SULF1: variants seen among roughly 807,000 people sequenced by gnomAD.
SULF1 encodes the protein sulfatase 1, also known as extracellular sulfatase Sulf-1.
Under a neutral mutation model 110.5 loss-of-function variants are expected in SULF1, and 46 were observed. The observed-to-expected ratio is 0.42, with a 90% CI of 0.33 to 0.53. The LOEUF (loss-of-function observed/expected upper bound fraction) is 0.53. SULF1 is among the 20% of genes least tolerant of loss of function. The pLI, the probability that SULF1 is intolerant of heterozygous loss-of-function variation, is 0.12. For missense variants in SULF1, 941 were observed against 1,094.2 expected, an observed-to-expected ratio of 0.86 and a Z score of 1.98; for synonymous variants, 371 against 387.1, an observed-to-expected ratio of 0.96 and a Z score of 0.49.
chr8:69,565,977 C>A (rs185477955), intron 5 of SULF1, among the ~76,000 whole-genome samples: 93 of 152,274 alleles, frequency 6.1e-4, no homozygotes, highest in Non-Finnish European at 2.5e-4. Flanking sequence ...TTCTTCATAA[C>A]CCAGTTCATG....
intron 3 of SULF1, among the ~76,000 whole-genome samples, chr8:69,505,683 G>T (rs2150579562): frequency 6.6e-6 from 1 of 152,130 alleles, no homozygotes; most frequent in Admixed American, 6.5e-5. Context: ...TGCTTTAAGT[G>T]CATATTGGAT....
chr8:69,595,500 T>A (rs929849990), intron 8 of SULF1, among the ~76,000 whole-genome samples: 1 of 152,252 alleles, frequency 6.6e-6, no homozygotes, highest in Non-Finnish European at 1.5e-5. Context: ...GTGGGGAATA[T>A]CTCCACAAAG....
rs1305693523 is a variant in SULF1, at chr8:69,576,151, G to A, written c.354G>A (p.Gln118=). ...NNENCSSPSW[Q]AMHEPRTFAV... ...AGAACTGCTCTTCCCCCTCGTGGCA[G>A]GCCATGCATGAGCCTCGGACTTTTG... The change falls in exon 6 of 23, where the codon CAG becomes CAA. Residue 118 remains glutamine, a synonymous_variant. Coordinates refer to ENST00000402687, the MANE Select transcript of SULF1 (RefSeq NM_001128205.2). The A allele has an allele frequency of 1.1e-5, 17 of 1,614,152 alleles. No homozygotes were observed. The highest frequency in any genetic ancestry group is 1.4e-5 in the Non-Finnish European group (16 of 1,180,028).
In SULF1 at chr8:69,527,221, A is replaced by G. The variant is rs138646045; in HGVS notation, c.-134+25253A>G. 3.9e-4 allele frequency among the ~76,000 whole-genome samples: 60 copies of G among 152,254 alleles called. 1 individual carries two copies. The highest frequency in any genetic ancestry group is 1.4e-3 in the African/African-American group (58 of 41,552). On this transcript the variant is annotated intron_variant, in intron 3 of 22. Coordinates refer to ENST00000402687, the MANE Select transcript of SULF1 (RefSeq NM_001128205.2). Reference sequence around the variant, plus strand: ...AAAAGTAGCTTGGATTCAGAGCTTCATTTTAACGGTTCGTAACCATATTAT... The same window carrying G: ...AAAAGTAGCTTGGATTCAGAGCTTCGTTTTAACGGTTCGTAACCATATTAT...
At chr8:69,591,099 A>G (rs1015350032) in intron 8 of SULF1, among the ~76,000 whole-genome samples, 5 of 152,164 alleles carry the variant, frequency 3.3e-5, no homozygotes, top group Admixed American at 2.6e-4. Context: ...GTGGCTCCTT[A>G]AAAGTCAGCC....
At chr8:69,570,031 A>G (rs1264443193) in intron 5 of SULF1, among the ~76,000 whole-genome samples, 1 of 152,218 alleles carries the variant, frequency 6.6e-6, no homozygotes, top group Non-Finnish European at 1.5e-5. Context: ...CATGTTTCAT[A>G]CTTTACTATG....
intron 3 of SULF1, among the ~76,000 whole-genome samples, chr8:69,515,279 C>T (rs1811852168): frequency 6.6e-6 from 1 of 152,206 alleles, no homozygotes; most frequent in Non-Finnish European, 1.5e-5. Context: ...GTCTTCTGCA[C>T]ACCTGAAGGC....
chr8:69,607,902 C>T (rs1432296902), intron 13 of SULF1, among the ~76,000 whole-genome samples: 1 of 152,186 alleles, frequency 6.6e-6, no homozygotes, highest in Non-Finnish European at 1.5e-5. Context: ...TTCCGTTCCT[C>T]TTAACAAGGT....
rs373232386 is a variant in SULF1, at chr8:69,567,697, A to T, written c.172+3550A>T. Among the ~76,000 whole-genome samples the T allele has an allele frequency of 1.3e-3, 201 of 152,278 alleles. 9 individuals carry two copies. In the South Asian group the frequency reaches 0.039, roughly 30 times the overall value. ...CCTTTTTAATGCTGAATAACTTTTC[A>T]TTGCATATATGTACCACATTTTTTT... On this transcript the variant is annotated intron_variant, in intron 5 of 22. Coordinates refer to ENST00000402687, the MANE Select transcript of SULF1 (RefSeq NM_001128205.2).
rs116728580 is a variant in SULF1, at chr8:69,540,351, T to C, written c.-133-23188T>C. 6.8e-3 allele frequency among the ~76,000 whole-genome samples: 1,036 copies of C among 152,374 alleles called. 4 individuals carry two copies. Among genetic ancestry groups the C allele is most frequent in the African/African-American group, 9.0e-3 (375 of 41,590 alleles). Reference sequence around the variant, plus strand: ...AGTATCTAATATTTGTAAGGCACTTTTGCATTTATAAAATGTTTCACTCAT... The same window carrying C: ...AGTATCTAATATTTGTAAGGCACTTCTGCATTTATAAAATGTTTCACTCAT... On this transcript the variant is annotated intron_variant, in intron 3 of 22. Transcript: ENST00000402687.
chr8:69,607,941 T>C (rs1162086168), intron 13 of SULF1, among the ~76,000 whole-genome samples: 2 of 152,084 alleles, frequency 1.3e-5, no homozygotes, highest in Admixed American at 1.3e-4. Context: ...GGCAACACAG[T>C]CAGGTTTTGA....
At chr8:69,569,144 G>A (rs771359452) in intron 5 of SULF1, among the ~76,000 whole-genome samples, 28 of 152,180 alleles carry the variant, frequency 1.8e-4, no homozygotes, top group Admixed American at 5.2e-4. Context: ...ACATTCCTAG[G>A]AAATTGACCT....
chr8:69,626,889 T>A (rs998268625), intron 15 of SULF1, among the ~76,000 whole-genome samples: 2 of 152,238 alleles, frequency 1.3e-5, no homozygotes, highest in Non-Finnish European at 2.9e-5. Flanking sequence ...GAGCCGGCAC[T>A]GGCCTTGGCC....
chr8:69,650,410 A>ATACG (rs755318585), intron 22 of SULF1, among the ~76,000 whole-genome samples: 2 of 152,112 alleles, frequency 1.3e-5, no homozygotes, highest in Non-Finnish European at 2.9e-5. Context: ...GGTGGGAGGA[A>ATACG]TACGTGCTTG....
rs1050318384 is a variant in SULF1, at chr8:69,659,458, G to A, written c.*923G>A. On this transcript the variant is annotated 3_prime_UTR_variant, in exon 23 of 23. Coordinates refer to ENST00000402687, the MANE Select transcript of SULF1 (RefSeq NM_001128205.2). ...GTGCAGTAGAAGCTAGTGAGCATGT[G>A]AGCAAGCGGTGTGCACACGGAGACT... is the stretch of plus-strand genomic sequence containing the variant. 2 of 326,204 alleles carry A rather than the reference G, an allele frequency of 6.1e-6. No homozygotes were observed. The highest frequency in any genetic ancestry group is 4.3e-5 in the African/African-American group (2 of 46,334). 20.2% of individuals were successfully genotyped at this position (326,204 alleles called of 1,614,324 possible).
rs1176428495 is a variant in SULF1, at chr8:69,586,399, T to TC, written c.461dup (p.Gly155TrpfsTer16). Reference sequence around the variant, plus strand: ...CTCAATGAATATAATGGCAGCTACATCCCCCCTGGGTGGCGAGAATGGCTT... The same window carrying TC: ...CTCAATGAATATAATGGCAGCTACATCCCCCCCTGGGTGGCGAGAATGGCTT... On this transcript the variant is annotated frameshift_variant, in exon 7 of 23. Coordinates refer to ENST00000402687, the MANE Select transcript of SULF1 (RefSeq NM_001128205.2). LOFTEE classifies it high-confidence loss of function. 1 of 1,605,740 alleles carries TC rather than the reference T, an allele frequency of 6.2e-7. No individual in the cohort carries two copies.
intron 3 of SULF1, among the ~76,000 whole-genome samples, chr8:69,513,241 T>C (rs1455612339): frequency 6.6e-6 from 1 of 152,216 alleles, no homozygotes; most frequent in Non-Finnish European, 1.5e-5. Flanking sequence ...AGTCCCCTTG[T>C]GGTAAATTTT....
At chr8:69,561,102 A>C (rs1441196) in intron 3 of SULF1, among the ~76,000 whole-genome samples, 34,650 of 152,082 alleles carry the variant, frequency 0.23, 4,202 homozygotes, top group African/African-American at 0.31. Flanking sequence ...TGTTTCAAAA[A>C]TGCTAACAGA....
chr8:69,467,437 G>T (rs1011202304), intron 1 of SULF1, among the ~76,000 whole-genome samples: 3 of 152,218 alleles, frequency 2.0e-5, no homozygotes. Context: ...ACAGAGCAAA[G>T]GGTGTTTTAA....
Sources: gnomAD v4.1 joint callset for allele counts (sites outside exome capture counted in the v4.1 genomes callset) on GRCh38, gnomAD v4.1.1 for gene constraint, MANE v1.5 for transcripts, NCBI Gene and HGNC (gene_info 2026-07-23, HGNC 2026-07-21) for gene names.